Variants in SSH2 observed in about 807,000 individuals in gnomAD.
The protein encoded by SSH2 is protein phosphatase Slingshot homolog 2.
A neutral mutation model predicts 135.2 loss-of-function variants in SSH2; 37 were observed. The observed-to-expected ratio is 0.27, with a 90% CI of 0.21 to 0.36. The LOEUF (loss-of-function observed/expected upper bound fraction) is 0.36, where lower values mean the gene tolerates loss of function less well. SSH2 is among the 10% of genes least tolerant of loss of function. SSH2 has a pLI of 1.00. For synonymous variants in SSH2, 628 were observed against 646.2 expected (o/e 0.97, Z 0.43); for missense variants, 1,408 against 1,765.3 (o/e 0.80, Z 3.63).
At position 29,631,833 on chromosome 17, in the gene SSH2, T is replaced by C. The variant is rs150623233; in HGVS notation, c.3361A>G (p.Thr1121Ala). 42 of 1,613,924 alleles carry C rather than the reference T, an allele frequency of 2.6e-5. 1 individual carries two copies. Among genetic ancestry groups the C allele is most frequent in the South Asian group, 1.9e-4 (17 of 91,066 alleles). Residue 1121 changes from threonine (T) to alanine (A), a missense_variant, in exon 16 of 16, where the codon ACC (threonine) becomes GCC (alanine). Thr to Ala is a moderately conservative substitution (Grantham distance 58, BLOSUM62 0). This residue lies in a region of SSH2 where 1,080 missense variants were observed against 1,144.5 expected (regional missense o/e 0.94). Coordinates refer to ENST00000540801, the MANE Select transcript of SSH2 (RefSeq NM_001282129.2). ...TCTTCAGGGCTACTCAGGATGGAGG[T>C]TGGATGGTCAGTGGGTCTGTTGTGC... ...PEHNRPTDHP[T>A]SILSSPEDRG...
chr17:29,730,758 T>A (rs553091544), intron 3 of SSH2, among the ~76,000 whole-genome samples: 1 of 152,240 alleles, frequency 6.6e-6, no homozygotes, highest in Admixed American at 6.5e-5. Flanking sequence ...TATTACACAT[T>A]GCATGCCTGT....
intron 11 of SSH2, among the ~76,000 whole-genome samples, chr17:29,657,458 G>A (rs1171795882): frequency 2.2e-5 from 3 of 136,880 alleles, no homozygotes; most frequent in Non-Finnish European, 4.7e-5. Context: ...TAGTAAAGAC[G>A]AGATTTCACC....
At chr17:29,922,670 T>G (rs927520223) in intron 1 of SSH2, among the ~76,000 whole-genome samples, 1 of 152,168 alleles carries the variant, frequency 6.6e-6, no homozygotes, top group Non-Finnish European at 1.5e-5. Flanking sequence ...GAAATGAGGC[T>G]GGACACATTG....
intron 14 of SSH2, among the ~76,000 whole-genome samples, chr17:29,640,441 A>C (rs2036108347): frequency 6.6e-6 from 1 of 152,214 alleles, no homozygotes; most frequent in Non-Finnish European, 1.5e-5. Context: ...TGAGAGACTG[A>C]AGTTATGCTA....
At chr17:29,730,524 C>T (rs908303710) in intron 3 of SSH2, among the ~76,000 whole-genome samples, 5 of 151,458 alleles carry the variant, frequency 3.3e-5, no homozygotes, top group Non-Finnish European at 7.4e-5. Context: ...TAGCCTTGAC[C>T]TCCAGGGCTC....
intron 3 of SSH2, among the ~76,000 whole-genome samples, chr17:29,792,965 C>T (rs367784925): frequency 6.6e-6 from 1 of 152,150 alleles, no homozygotes; most frequent in Non-Finnish European, 1.5e-5. Context: ...TGAGCCACCG[C>T]GCCCGGCCTG....
At chr17:29,860,186 C>G (rs2065737309) in intron 1 of SSH2, among the ~76,000 whole-genome samples, 1 of 152,052 alleles carries the variant, frequency 6.6e-6, no homozygotes, top group East Asian at 1.9e-4. Flanking sequence ...TGCCACACTG[C>G]TTTCCACAAT....
intron 1 of SSH2, among the ~76,000 whole-genome samples, chr17:29,898,319 CA>C (rs1226776317): frequency 6.6e-6 from 1 of 151,844 alleles, no homozygotes; most frequent in Non-Finnish European, 1.5e-5. Flanking sequence ...AAAAACCCTT[CA>C]AAAAATCAAT....
intron 7 of SSH2, 45 bp downstream of exon 7, chr17:29,677,628 C>T (rs745583383): frequency 6.6e-7 from 1 of 1,525,216 alleles, no homozygotes; most frequent in Non-Finnish European, 9.1e-7. Context: ...GATGGAGCCC[C>T]ACCCCTTGGC....
intron 2 of SSH2, among the ~76,000 whole-genome samples, chr17:29,811,099 G>A (rs1307887561): frequency 6.6e-6 from 1 of 152,074 alleles, no homozygotes; most frequent in Non-Finnish European, 1.5e-5. Context: ...GGGTTCAAGC[G>A]ATTCTACTGC....
chr17:29,677,851 G>T, intron 6 of SSH2, 110 bp from the exon 7 acceptor site: 1 of 811,764 alleles, frequency 1.2e-6, no homozygotes, highest in Non-Finnish European at 2.1e-6. Context: ...CTAAATTCTG[G>T]CATAAGTGTT....
chr17:29,723,856 C>G (rs1211515672), intron 3 of SSH2, among the ~76,000 whole-genome samples: 2 of 152,156 alleles, frequency 1.3e-5, no homozygotes, highest in Non-Finnish European at 2.9e-5. Flanking sequence ...GAAAAATTTA[C>G]TTGCAAAGTT....
chr17:29,696,496 C>T (rs907963382), intron 4 of SSH2, among the ~76,000 whole-genome samples: 6 of 145,022 alleles, frequency 4.1e-5, no homozygotes, highest in East Asian at 2.2e-4. Context: ...GGCGACAGAG[C>T]GAGACTCCAT....
chr17:29,644,636 A>G (rs188711569), intron 14 of SSH2, among the ~76,000 whole-genome samples: 14 of 152,106 alleles, frequency 9.2e-5, no homozygotes, highest in African/African-American at 3.4e-4. Context: ...GTGAAACCCC[A>G]TCTCTACTAA....
chr17:29,631,621 C>A lies in SSH2; in HGVS notation c.3573G>T (p.Gln1191His). Residue 1191 changes from glutamine to histidine, a missense_variant, in exon 16 of 16, where the codon CAG (glutamine) becomes CAT (histidine). Transcript: ENST00000540801. ...CACTGCCACTGGAGAGAGGGCTCTC[C>A]TGACTTTCTTCCCAGCTAACCTGTT... ...SAEQVSWEESQESPLSSGSEV... is the reference protein window; with the variant it reads ...SAEQVSWEESHESPLSSGSEV... 1 of 1,614,228 alleles carries A rather than the reference C, an allele frequency of 6.2e-7. No individual in the cohort carries two copies. Among genetic ancestry groups the A allele is most frequent in the Non-Finnish European group, 8.5e-7 (1 of 1,180,044 alleles).
chr17:29,837,824 C>T (rs2042968754), intron 2 of SSH2, among the ~76,000 whole-genome samples: 1 of 152,258 alleles, frequency 6.6e-6, no homozygotes, highest in Non-Finnish European at 1.5e-5. Context: ...GAGGCATGGC[C>T]AGGGCTGCGC....
At chr17:29,646,035 A>G (rs1392326326) in intron 14 of SSH2, among the ~76,000 whole-genome samples, 1 of 152,184 alleles carries the variant, frequency 6.6e-6, no homozygotes, top group African/African-American at 2.4e-5. Context: ...ACCAGCCCCA[A>G]CTGCTTCTAG....
chr17:29,915,969 TCCCTCCC>T (rs1315903299), intron 1 of SSH2, among the ~76,000 whole-genome samples: 1 of 124,670 alleles, frequency 8.0e-6, no homozygotes, highest in African/African-American at 3.0e-5. Context: ...CCTAATGCTA[TCCCTCCC>T]CCCTCCCCCC....
At position 29,636,065 on chromosome 17, in the gene SSH2, G is replaced by A. The variant is rs375658348; in HGVS notation, c.2165C>T (p.Ala722Val). The A allele has an allele frequency of 6.2e-7, 1 of 1,614,162 alleles. No individual in the cohort carries two copies. Among genetic ancestry groups the A allele is most frequent in the Non-Finnish European group, 8.5e-7 (1 of 1,180,016 alleles). Residue 722 changes from alanine (A) to valine (V), a missense_variant, in exon 15 of 16, where the codon GCC (alanine) becomes GTC (valine). This residue lies in a region of SSH2 where 1,080 missense variants were observed against 1,144.5 expected (regional missense o/e 0.94). Transcript: ENST00000540801. The stretch of plus-strand genomic sequence containing the variant: ...GTCATCAGCTGTCACTTTGGAAGGG[G>A]CTACTTCTACCACTGACAGTCGACA... ...ESCRLSVVEV[A>V]PSKVTADDQR... is the part of the protein sequence containing the mutation.
Sources: gnomAD v4.1 joint callset for allele counts (sites outside exome capture counted in the v4.1 genomes callset) on GRCh38, gnomAD v4.1.1 for gene constraint, gnomAD v4.1.1 regional missense constraint, MANE v1.5 for transcripts, NCBI Gene and HGNC (gene_info 2026-07-23, HGNC 2026-07-21) for gene names.